The following FLG variants were observed in gnomAD, a reference collection of about 807,000 sequenced individuals.
FLG encodes filaggrin, also known as epidermal filaggrin.
FLG carries 6 observed loss-of-function variants against 3.8 expected under a neutral mutation model. That is an observed-to-expected ratio of 1.60 (90% CI 0.87 to 3.15). The LOEUF is 3.15. FLG is among the 30% of genes most tolerant of loss of function. The probability of loss-of-function intolerance (pLI) is 0.00; values close to 1 mark genes in which losing one functional copy is unlikely to be tolerated. For synonymous variants in FLG, 2,551 were observed against 1,931.6 expected, an observed-to-expected ratio of 1.32 and a Z score of -8.41; for missense variants, 7,595 against 5,050.9, an observed-to-expected ratio of 1.50 and a Z score of -15.27.
chr1:152,303,127 G>C lies in FLG; in HGVS notation c.11759C>G (p.Ser3920Ter), dbSNP rs546170783. 1.9e-6 allele frequency: 3 copies of C among 1,614,186 alleles called. No individual in the cohort carries two copies. The Admixed American group carries it at 5.0e-5, about 27-fold the overall frequency. The change falls in exon 3 of 3, where the codon TCA (serine) becomes TGA (stop). Residue 3920 changes from serine to a stop codon, truncating the protein, a stop_gained. Coordinates refer to ENST00000368799, the MANE Select transcript of FLG (RefSeq NM_002016.2). LOFTEE classifies it low-confidence loss of function (END_TRUNC). The part of the protein sequence containing the change: ...ASHVQSSPVQ[S>*]DSSTAKEHGH... Reference sequence around the variant, plus strand: ...ATGTTCCTTAGCGGTACTAGAGTCTGACTGTACAGGTGAAGACTGTACATG... The same window carrying C: ...ATGTTCCTTAGCGGTACTAGAGTCTCACTGTACAGGTGAAGACTGTACATG...
rs1362188544 is a variant in FLG, at chr1:152,314,677, T to G, written c.209A>C (p.Asp70Ala). 1 of 1,613,916 alleles carries G rather than the reference T, an allele frequency of 6.2e-7. No individual in the cohort carries two copies. Among genetic ancestry groups the G allele is most frequent in the Non-Finnish European group, 8.5e-7 (1 of 1,179,958 alleles). Residue 70 changes from aspartate to alanine, a missense_variant, in exon 3 of 3, where the codon GAC becomes GCC. Asp to Ala is a moderately radical substitution (Grantham distance 126, BLOSUM62 -2). Transcript: ENST00000368799. ...TACCATCAGAAGAAACTCAGTGAAG[T>G]CAATTTTCTTGTTGTGGTCTATATC... ...HLDIDHNKKI[D>A]FTEFLLMVFK...
Position 152,307,386 on chromosome 1 carries a change from C to A in FLG, c.7500G>T (p.Arg2500Ser), listed in dbSNP as rs573055090. The A allele has an allele frequency of 5.6e-6, 9 of 1,613,276 alleles. No homozygotes were observed. The highest frequency in any genetic ancestry group is 3.3e-5 in the Admixed American group (2 of 59,910). ...CTGAGTGCCCATGGGAGGCATCAGA[C>A]CTTCCCTGGGATGTGGTGTGGCTGT... The part of the protein sequence containing the change: ...SHHSHTTSQG[R>S]SDASHGHSGS... The change falls in exon 3 of 3, where the codon AGG becomes AGT. Residue 2500 changes from arginine (R) to serine (S), a missense_variant. Transcript: ENST00000368799.
chr1:152,309,246 G>A lies in FLG; in HGVS notation c.5640C>T (p.His1880=), dbSNP rs746369911. Residue 1880 remains histidine, a synonymous_variant, in exon 3 of 3, where the codon CAC becomes CAT. Coordinates refer to ENST00000368799, the MANE Select transcript of FLG (RefSeq NM_002016.2). ...AAGCTTCATGGTGACGCGACCCTGA[G>A]TGCCTGGAGCCGTCTCCTGATTGTT... ...NEKQSGDGSR[H]SGSRHHEASS... 10 of 1,613,758 alleles carry A rather than the reference G, an allele frequency of 6.2e-6. No homozygotes were observed. Among genetic ancestry groups the A allele is most frequent in the South Asian group, 2.2e-5 (2 of 91,062 alleles).
intron 1 of FLG, among the ~76,000 whole-genome samples, chr1:152,321,275 G>A (rs1196894513): frequency 1.3e-5 from 2 of 150,618 alleles, no homozygotes; most frequent in Non-Finnish European, 3.0e-5. Flanking sequence ...TATATTTCAA[G>A]AAGTTTTAAA....
chr1:152,314,589 G>T lies in FLG; in HGVS notation c.297C>A (p.His99Gln). Reference protein sequence around the residue: ...TRKENLPISGHKHRKHSHHDK... With the variant: ...TRKENLPISGQKHRKHSHHDK... ...CATGATGACTGTGCTTTCTGTGCTT[G>T]TGTCCTGATATCGGTAAATTCTCTT... Residue 99 changes from histidine to glutamine, a missense_variant, in exon 3 of 3, where the codon CAC (histidine) becomes CAA (glutamine). His to Gln is a conservative substitution (Grantham distance 24). Coordinates refer to ENST00000368799, the MANE Select transcript of FLG (RefSeq NM_002016.2). 1 of 1,613,636 alleles carries T rather than the reference G, an allele frequency of 6.2e-7. No homozygotes were observed. Among genetic ancestry groups the T allele is most frequent in the Non-Finnish European group, 8.5e-7 (1 of 1,179,832 alleles).
rs1652171806 is a variant in FLG at position 152,308,823 on chromosome 1, G to T, written c.6063C>A (p.Gly2021=). 6.2e-7 allele frequency: 1 copy of T among 1,614,028 alleles called. No individual in the cohort carries two copies. The highest frequency in any genetic ancestry group is 1.7e-5 in the Admixed American group (1 of 59,994). ...LQSADSSRHS[G]IGHGQASSAV... is the part of the protein sequence containing the mutation. ...CAGATGAAGCTTGTCCATGCCCAAT[G>T]CCTGAGTGTCTGGAGCTGTCTGCTG... Residue 2021 remains glycine (G), a synonymous_variant, in exon 3 of 3, where the codon GGC becomes GGA. Coordinates refer to ENST00000368799, the MANE Select transcript of FLG (RefSeq NM_002016.2).
rs1158828571 is a variant in FLG at position 152,313,398 on chromosome 1, G to A, written c.1488C>T (p.His496=). ...TGGAGCTGTCTCGTGCCTGCTCGTGGTGCGATCCTTGTCTTCCTCCAGTGC... is the reference window on the plus strand; with the variant it reads ...TGGAGCTGTCTCGTGCCTGCTCGTGATGCGATCCTTGTCTTCCTCCAGTGC... ...GTSTGGRQGS[H]HEQARDSSRH... Residue 496 remains histidine (H), a synonymous_variant, in exon 3 of 3, where the codon CAC becomes CAT. Transcript: ENST00000368799. 4 of 1,613,608 alleles carry A rather than the reference G, an allele frequency of 2.5e-6. No individual in the cohort carries two copies.
At chr1:152,324,672 G>A (rs1383170894) in intron 1 of FLG, among the ~76,000 whole-genome samples, 1 of 151,528 alleles carries the variant, frequency 6.6e-6, no homozygotes, top group East Asian at 1.9e-4. Flanking sequence ...TTTTTTTTAA[G>A]CTTATCAGCT....
Position 152,310,908 on chromosome 1 carries a change from G to A in FLG, c.3978C>T (p.Ser1326=), listed in dbSNP as rs756304603. The part of the protein sequence containing the change: ...RASHGHSADS[S]RQSGTHHTES... ...CTGTGTGATGAGTGCCTGATTGTCT[G>A]GAGCTGTCTGCAGAGTGCCCGTGAC... Residue 1326 remains serine (S), a synonymous_variant, in exon 3 of 3, where the codon TCC becomes TCT. Coordinates refer to ENST00000368799, the MANE Select transcript of FLG (RefSeq NM_002016.2). 5 of 1,614,078 alleles carry A rather than the reference G, an allele frequency of 3.1e-6. No homozygotes were observed. The Admixed American group carries it at 5.0e-5, about 16-fold the overall frequency.
chr1:152,318,740 G>A (rs181763407), intron 1 of FLG, among the ~76,000 whole-genome samples: 3 of 151,724 alleles, frequency 2.0e-5, no homozygotes, highest in African/African-American at 7.2e-5. Context: ...GCTACTAAAG[G>A]GTTAGGCACT....
intron 1 of FLG, among the ~76,000 whole-genome samples, chr1:152,323,366 A>C (rs1653042050): frequency 6.6e-6 from 1 of 151,796 alleles, no homozygotes; most frequent in Non-Finnish European, 1.5e-5. Context: ...TGTACAAGCC[A>C]CACAGTGGGA....
chr1:152,307,715 GC>G lies in FLG; in HGVS notation c.7170del (p.His2392IlefsTer27), dbSNP rs759005688. 1.2e-6 allele frequency: 2 copies of G among 1,612,724 alleles called. No homozygotes were observed. Among genetic ancestry groups the G allele is most frequent in the African/African-American group, 1.3e-5 (1 of 74,360 alleles). ...TQSVSAHGQA[G>X]PHQQSHQEST... Reference sequence around the variant, plus strand: ...GACTCTTGGTGGCTCTGCTGATGGGGCCCAGCCTGTCCGTGGGCTGACACTG... The same window carrying G: ...GACTCTTGGTGGCTCTGCTGATGGGGCCAGCCTGTCCGTGGGCTGACACTG... On this transcript the variant is annotated frameshift_variant, in exon 3 of 3. Coordinates refer to ENST00000368799, the MANE Select transcript of FLG (RefSeq NM_002016.2). LOFTEE classifies it low-confidence loss of function (END_TRUNC).
rs765093705 is a variant in FLG at position 152,303,372 on chromosome 1, G to T, written c.11514C>A (p.Asp3838Glu). 1 of 1,614,130 alleles carries T rather than the reference G, an allele frequency of 6.2e-7. No individual in the cohort carries two copies. Reference sequence around the variant, plus strand: ...GGCCGGACTGTGAGTGTCTAGAGCTGTCAGCCTGAGTGGAAGCTTCATGGT... The same window carrying T: ...GGCCGGACTGTGAGTGTCTAGAGCTTTCAGCCTGAGTGGAAGCTTCATGGT... ...SRHHEASTQADSSRHSQSGQG... is the reference protein window; with the variant it reads ...SRHHEASTQAESSRHSQSGQG... Residue 3838 changes from aspartate (D) to glutamate (E), a missense_variant, in exon 3 of 3, where the codon GAC becomes GAA. Coordinates refer to ENST00000368799, the MANE Select transcript of FLG (RefSeq NM_002016.2).
chr1:152,309,962 T>G lies in FLG; in HGVS notation c.4924A>C (p.Ser1642Arg), dbSNP rs142493095. The part of the protein sequence containing the change: ...NPRSHQEDRA[S>R]HGHSAESSRQ... ...GAGCTCTCTGCAGAGTGCCCATGAC[T>G]GGCTCTATCTTCTTGATGGGACCTG... The change falls in exon 3 of 3, where the codon AGT (serine) becomes CGT (arginine). Residue 1642 changes from serine (S) to arginine (R), a missense_variant. By Grantham distance (110) the Ser-to-Arg change is moderately radical (BLOSUM62 -1). Coordinates refer to ENST00000368799, the MANE Select transcript of FLG (RefSeq NM_002016.2). 2.4e-4 allele frequency: 392 copies of G among 1,613,988 alleles called. No homozygotes were observed. Among genetic ancestry groups the G allele is most frequent in the Non-Finnish European group, 3.1e-4 (369 of 1,180,018 alleles).
Position 152,308,108 on chromosome 1 carries a change from AC to A in FLG, c.6777del (p.Ser2260LeufsTer159), listed in dbSNP as rs775256423. On this transcript the variant is annotated frameshift_variant, in exon 3 of 3. Transcript: ENST00000368799. LOFTEE classifies it low-confidence loss of function (END_TRUNC). ...SEGHSEDSER[R>X]SGSASRNHHG... ...TGATGGTTTCTGGACGCAGACCCAG[AC>A]CGCCTCTCAGAATCTTCTGAGTGTC... The A allele has an allele frequency of 1.9e-6, 3 of 1,613,862 alleles. No individual in the cohort carries two copies. The highest frequency in any genetic ancestry group is 2.5e-6 in the Non-Finnish European group (3 of 1,179,960).
chr1:152,319,517 A>G lies in FLG; in HGVS notation c.-21-4040T>C, dbSNP rs1287792327. 2.6e-5 allele frequency among the ~76,000 whole-genome samples: 4 copies of G among 151,532 alleles called. No individual in the cohort carries two copies. The East Asian group carries it at 7.7e-4, about 29-fold the overall frequency. On this transcript the variant is annotated intron_variant, in intron 1 of 2. Transcript: ENST00000368799. Reference sequence around the variant, plus strand: ...AACTCCAAGCAGGAGATATAAAAGAAAACCAAAGCAAGACATATAATAATA... The same window carrying G: ...AACTCCAAGCAGGAGATATAAAAGAGAACCAAAGCAAGACATATAATAATA...
intron 2 of FLG, chr1:152,315,055 G>T (rs1190555645): frequency 5.0e-6 from 2 of 397,840 alleles, no homozygotes; most frequent in African/African-American, 2.1e-5. Flanking sequence ...TTGATGTTTG[G>T]GAGAATATTA....
At position 152,309,868 on chromosome 1, in the gene FLG, G is replaced by A; in HGVS notation, c.5018C>T (p.Ala1673Val). 1.2e-6 allele frequency: 2 copies of A among 1,614,092 alleles called. No homozygotes were observed. Among genetic ancestry groups the A allele is most frequent in the Non-Finnish European group, 1.7e-6 (2 of 1,180,020 alleles). Residue 1673 changes from alanine (A) to valine (V), a missense_variant, in exon 3 of 3, where the codon GCA becomes GTA. Transcript: ENST00000368799. Reference protein sequence around the residue: ...GGQAASSQEQARSSPGERHGS... With the variant: ...GGQAASSQEQVRSSPGERHGS... ...ATGTCTTTCTCCTGGACTTGACCTT[G>A]CCTGTTCCTGGGATGATGCAGCCTG...
In FLG at chr1:152,305,052, G is replaced by A. The variant is rs138578082; in HGVS notation, c.9834C>T (p.His3278=). 494 of 1,613,334 alleles carry A rather than the reference G, an allele frequency of 3.1e-4. 4 individuals are homozygous for A. The African/African-American group carries it at 3.2e-3, about 11-fold the overall frequency. The part of the protein sequence containing the change: ...ADRSRQSGTR[H]AETSSGGQAA... ...CCTGTCCACCAGAGGAAGTCTCTGC[G>A]TGACGAGTGCCTGATTGTCTGGAGC... Residue 3278 remains histidine, a synonymous_variant, in exon 3 of 3, where the codon CAC becomes CAT. Transcript: ENST00000368799.
Sources: gnomAD v4.1 joint callset for allele counts (sites outside exome capture counted in the v4.1 genomes callset) on GRCh38, gnomAD v4.1.1 for gene constraint, MANE v1.5 for transcripts, NCBI Gene and HGNC (gene_info 2026-07-23, HGNC 2026-07-21) for gene names.